XIST: variants seen among roughly 807,000 people sequenced by gnomAD.
XIST encodes the protein X inactive specific transcript.
At chrX:73,824,704 G>C (rs921270314) in exon 6 of XIST, 1 of 558,150 alleles carries the variant, frequency 1.8e-6, no homozygotes, top group East Asian at 3.3e-5. Context: ...AAGCACATTC[G>C]CAAGCTGAAT....
chrX:73,844,639 C>T (rs1211224722), exon 1 of XIST: 7 of 555,567 alleles, frequency 1.3e-5, no homozygotes, highest in African/African-American at 4.5e-5. Context: ...AAAGATTATG[C>T]GTAGATGGGA....
At chrX:73,849,244 G>A (rs745987710) in exon 1 of XIST, 3 of 557,313 alleles carry the variant, frequency 5.4e-6, no homozygotes, top group African/African-American at 2.2e-5. Context: ...AGCAAAAAGC[G>A]CAGTAGGGTG....
chrX:73,828,071 T>C (rs1466366001), intron 5 of XIST: 3 of 442,564 alleles, frequency 6.8e-6, no homozygotes, highest in Non-Finnish European at 1.2e-5. Context: ...ACAAGAGGCA[T>C]GAAAAGCATC....
chrX:73,845,291 A>G (rs1034412477), exon 1 of XIST: 7 of 542,727 alleles, frequency 1.3e-5, no homozygotes, highest in Non-Finnish European at 2.0e-5. Flanking sequence ...AATCACACAC[A>G]TAACAGGCCA....
chrX:73,851,992 A>G, exon 1 of XIST: 1 of 558,197 alleles, frequency 1.8e-6, no homozygotes, highest in Non-Finnish European at 3.2e-6. Flanking sequence ...TCATCCATAA[A>G]AAGCACCGAT....
exon 1 of XIST, chrX:73,847,321 G>A (rs943203613): frequency 1.3e-5 from 7 of 532,883 alleles, no homozygotes; most frequent in Non-Finnish European, 2.4e-5. Context: ...AGCAGTATAA[G>A]AGAAGAAGCA....
At chrX:73,824,267 G>A (rs776747065) in exon 6 of XIST, 41 of 513,584 alleles carry the variant, frequency 8.0e-5, no homozygotes, top group African/African-American at 2.5e-4. Context: ...AATCCCTTGC[G>A]TATGCGTATT....
chrX:73,851,839 A>G (rs781215621), exon 1 of XIST: 12 of 556,411 alleles, frequency 2.2e-5, no homozygotes, highest in Non-Finnish European at 3.6e-5. Context: ...CTTTTCCTCC[A>G]CAATCTGAAC....
At chrX:73,833,421 G>A (rs188905149) in intron 2 of XIST, 4 of 500,457 alleles carry the variant, frequency 8.0e-6, no homozygotes, top group East Asian at 3.4e-5. Flanking sequence ...GCACCGGTAG[G>A]ATACCAAAAG....
chrX:73,837,414 CAAAG>C (rs1322619268), intron 2 of XIST: 1 of 472,534 alleles, frequency 2.1e-6, no homozygotes, highest in Non-Finnish European at 3.7e-6. Context: ...TCATCAAAAA[CAAAG>C]AGTCTGAGAA....
At chrX:73,826,340 G>C (rs1702827396) in exon 6 of XIST, 3 of 558,958 alleles carry the variant, frequency 5.4e-6, no homozygotes, top group Non-Finnish European at 9.7e-6. Flanking sequence ...CTATATGAAT[G>C]TCTGCTCCTG....
exon 1 of XIST, chrX:73,848,350 A>T (rs776185220): frequency 1.8e-6 from 1 of 556,212 alleles, no homozygotes; most frequent in Admixed American, 2.2e-5. Flanking sequence ...TGTAAAGCAA[A>T]GATGATGCAG....
chrX:73,841,194 T>A (rs1260910684), intron 1 of XIST: 1 of 330,024 alleles, frequency 3.0e-6, no homozygotes, highest in Non-Finnish European at 5.2e-6. Context: ...TTCTGCTGGT[T>A]AACTCACATA....
chrX:73,827,602 G>T, exon 6 of XIST: 1 of 548,242 alleles, frequency 1.8e-6, no homozygotes, highest in Non-Finnish European at 3.3e-6. Flanking sequence ...TCAGAAAAAA[G>T]GTGAAATTTA....
chrX:73,843,453 G>C (rs1208722694), exon 1 of XIST: 1 of 557,955 alleles, frequency 1.8e-6, no homozygotes, highest in Admixed American at 2.2e-5. Context: ...GAGGAACATA[G>C]GGTCTTTTTC....
chrX:73,841,593 T>A, exon 1 of XIST: 1 of 558,938 alleles, frequency 1.8e-6, no homozygotes, highest in Non-Finnish European at 3.2e-6. Flanking sequence ...CCCTGTACAC[T>A]AGTGGCTGGG....
Position 73,843,645 on chromosome X carries a change from T to C in XIST, n.9079A>G, listed in dbSNP as rs752430344. 3 of 558,169 alleles carry C rather than the reference T, an allele frequency of 5.4e-6. No homozygotes were observed. In the East Asian group the frequency reaches 9.7e-5, roughly 18 times the overall value. The allele number at this position is 558,169 out of a possible 1,213,427, so 46.0% of individuals were successfully genotyped here. A position where few individuals can be genotyped will look rare whatever the true frequency, so the allele number is the denominator to read the frequency against. ...AAGAAGGGGCACTTAGTGAATATCA[T>C]CCCCCTGCTCTAAAGCAAAGGTGGT... On this transcript the variant is annotated non_coding_transcript_exon_variant, in exon 1 of 6. Coordinates refer to ENST00000429829, the Ensembl canonical transcript of XIST.
chrX:73,847,556 CTT>C (rs1309937795), exon 1 of XIST: 3 of 512,073 alleles, frequency 5.9e-6, no homozygotes, highest in Non-Finnish European at 1.0e-5. Context: ...TCAAGAAAGA[CTT>C]TAGGAAATCA....
chrX:73,823,062 T>C (rs764191841), exon 6 of XIST: 1 of 553,015 alleles, frequency 1.8e-6, no homozygotes, highest in African/African-American at 2.2e-5. Flanking sequence ...ATCTTTTTTT[T>C]ATTGCTCATA....
Sources: allele counts gnomAD v4.1 joint callset, GRCh38; gene constraint gnomAD v4.1.1; transcripts MANE v1.5; gene names NCBI Gene and HGNC (gene_info 2026-07-23, HGNC 2026-07-21).